APPBP2: variants seen among roughly 807,000 people sequenced by gnomAD.
The protein encoded by APPBP2 is amyloid protein-binding protein 2.
Under a neutral mutation model 76.0 loss-of-function variants are expected in APPBP2, and 15 were observed. The ratio of observed to expected loss-of-function variants is 0.20; its 90% confidence interval spans 0.13 to 0.30. The LOEUF (loss-of-function observed/expected upper bound fraction) is 0.30, where lower values mean the gene tolerates loss of function less well. Ranked by LOEUF, APPBP2 falls within the 10% of genes least tolerant of loss-of-function variation. The pLI is 1.00. For missense variants in APPBP2, 401 were observed against 687.2 expected (o/e 0.58, Z 4.66); for synonymous variants, 222 against 242.2 (o/e 0.92, Z 0.77).
chr17:60,507,715 G>A (rs1346169552), intron 1 of APPBP2, among the ~76,000 whole-genome samples: 4 of 152,150 alleles, frequency 2.6e-5, no homozygotes, highest in Non-Finnish European at 5.9e-5. Context: ...AACCCGGTTG[G>A]TAAATTTGAT....
At position 60,460,697 on chromosome 17, in the gene APPBP2, G is replaced by A; in HGVS notation, c.1027C>T (p.His343Tyr). 2 of 1,613,684 alleles carry A rather than the reference G, an allele frequency of 1.2e-6. No homozygotes were observed. Among genetic ancestry groups the A allele is most frequent in the Non-Finnish European group, 1.7e-6 (2 of 1,179,740 alleles). ...TCAAATTTCCCAGAGCTATACTGGTGGACATAAGAAGAGTAGGCCAAATCT... is the reference window on the plus strand; with the variant it reads ...TCAAATTTCCCAGAGCTATACTGGTAGACATAAGAAGAGTAGGCCAAATCT... ...HEDLAYSSYV[H>Y]QYSSGKFDNA... is the part of the protein sequence containing the mutation. The change falls in exon 9 of 13, where the codon CAC becomes TAC. Residue 343 changes from histidine (H) to tyrosine (Y), a missense_variant. Transcript: ENST00000083182.
At chr17:60,451,837 G>A (rs1382918433) in intron 12 of APPBP2, 43 bp downstream of exon 12, 6 of 1,521,170 alleles carry the variant, frequency 3.9e-6, no homozygotes, top group Non-Finnish European at 5.4e-6. Flanking sequence ...CTGACATGTT[G>A]ATTTGTAATC....
Position 60,525,939 on chromosome 17 carries a change from C to CTCT in APPBP2, c.-9_-8insAGA. The CTCT allele has an allele frequency of 6.3e-7, 1 of 1,593,510 alleles. No homozygotes were observed. The highest frequency in any genetic ancestry group is 1.3e-5 in the African/African-American group (1 of 74,658). ...TAGTTCCACGGCCGCCATCTTCCTT[C>CTCT]CCTCCTCCTCCGCCTCCTCCGCCTC... On this transcript the variant is annotated 5_prime_UTR_variant, in exon 1 of 13. Transcript: ENST00000083182.
chr17:60,516,130 T>C (rs2090961103), intron 1 of APPBP2, among the ~76,000 whole-genome samples: 1 of 151,714 alleles, frequency 6.6e-6, no homozygotes, highest in Admixed American at 6.6e-5. Flanking sequence ...GCCACTGCAC[T>C]CCTGCCTCGG....
intron 11 of APPBP2, 31 bp downstream of exon 11, chr17:60,454,267 TAAGA>T (rs775606166): frequency 6.9e-7 from 1 of 1,445,628 alleles, no homozygotes; most frequent in East Asian, 2.3e-5. Flanking sequence ...TTTCATTACT[TAAGA>T]GAGAAAAATA....
At chr17:60,469,085 T>C (rs1208407879) in intron 4 of APPBP2, among the ~76,000 whole-genome samples, 1 of 152,042 alleles carries the variant, frequency 6.6e-6, no homozygotes, top group Non-Finnish European at 1.5e-5. Context: ...CCCAGCACTT[T>C]GGGAGGCCGA....
intron 5 of APPBP2, among the ~76,000 whole-genome samples, chr17:60,465,336 G>A (rs2090503000): frequency 6.6e-6 from 1 of 152,178 alleles, no homozygotes; most frequent in African/African-American, 2.4e-5. Context: ...CTATTCTGGG[G>A]TTGATATTAC....
At chr17:60,492,046 C>T (rs1387602907) in intron 3 of APPBP2, among the ~76,000 whole-genome samples, 1 of 152,180 alleles carries the variant, frequency 6.6e-6, no homozygotes, top group Admixed American at 6.5e-5. Flanking sequence ...ACTTGGACCC[C>T]TGTGTCCCAG....
chr17:60,513,283 A>G (rs1400484867), intron 1 of APPBP2: 1 of 479,722 alleles, frequency 2.1e-6, no homozygotes, highest in Non-Finnish European at 3.8e-6. Flanking sequence ...TCACAGCTCA[A>G]TCAATGTATA....
At chr17:60,525,759 T>TGGAGGAGAGCAG in intron 1 of APPBP2, 35 bp downstream of exon 1, 2 of 1,611,360 alleles carry the variant, frequency 1.2e-6, no homozygotes, top group Non-Finnish European at 1.7e-6. Context: ...CCGGGGTTGC[T>TGGAGGAGAGCAG]GGAGGAGAGC....
chr17:60,499,285 G>C (rs148370300), intron 2 of APPBP2, among the ~76,000 whole-genome samples: 2 of 151,076 alleles, frequency 1.3e-5, no homozygotes, highest in African/African-American at 2.4e-5. Context: ...AGTGAGCTAC[G>C]AACATGCCAC....
chr17:60,510,139 A>C (rs1192661172), intron 1 of APPBP2, among the ~76,000 whole-genome samples: 3 of 152,150 alleles, frequency 2.0e-5, no homozygotes, highest in Non-Finnish European at 4.4e-5. Context: ...ACAGTGGCTC[A>C]CACCTGTAAT....
chr17:60,506,298 C>T (rs1304219953), intron 1 of APPBP2, among the ~76,000 whole-genome samples: 1 of 152,136 alleles, frequency 6.6e-6, no homozygotes, highest in African/African-American at 2.4e-5. Context: ...CTGGCCTTGA[C>T]GCCTGCCTAT....
At position 60,443,763 on chromosome 17, in the gene APPBP2, C is replaced by T. The variant is rs1049091020; in HGVS notation, c.*3818G>A. The T allele has an allele frequency of 6.6e-6, 1 of 152,534 alleles. No individual in the cohort carries two copies. Among genetic ancestry groups the T allele is most frequent in the Non-Finnish European group, 1.5e-5 (1 of 68,026 alleles). 9.4% of individuals were successfully genotyped at this position (152,534 alleles called of 1,614,324 possible). A position where few individuals can be genotyped will look rare whatever the true frequency, so the allele number is the denominator to read the frequency against. Reference sequence around the variant, plus strand: ...AAATTTTACTCTTGAAAAACATGTGCACTTCAACAAACTCACTAAGGCCAC... The same window carrying T: ...AAATTTTACTCTTGAAAAACATGTGTACTTCAACAAACTCACTAAGGCCAC... On this transcript the variant is annotated 3_prime_UTR_variant, in exon 13 of 13. Coordinates refer to ENST00000083182, the MANE Select transcript of APPBP2 (RefSeq NM_006380.5).
intron 3 of APPBP2, among the ~76,000 whole-genome samples, chr17:60,484,666 G>A (rs952543212): frequency 6.6e-6 from 1 of 152,116 alleles, no homozygotes; most frequent in Non-Finnish European, 1.5e-5. Flanking sequence ...CATGTCATCT[G>A]CAAACAGGGA....
At chr17:60,455,907 A>G (rs577030615) in intron 10 of APPBP2, among the ~76,000 whole-genome samples, 7 of 152,154 alleles carry the variant, frequency 4.6e-5, no homozygotes, top group Admixed American at 2.6e-4. Flanking sequence ...CCTCCCAAGT[A>G]GCTGGGATTA....
chr17:60,459,163 T>C (rs1171655123), intron 9 of APPBP2, among the ~76,000 whole-genome samples: 1 of 152,160 alleles, frequency 6.6e-6, no homozygotes, highest in Non-Finnish European at 1.5e-5. Flanking sequence ...TGTTTTGTAA[T>C]TTTTAATGGT....
intron 12 of APPBP2, among the ~76,000 whole-genome samples, chr17:60,448,501 C>T (rs1225707622): frequency 2.0e-5 from 3 of 152,146 alleles, no homozygotes; most frequent in Non-Finnish European, 4.4e-5. Context: ...AAAACACATG[C>T]ACAAGGCTAT....
At chr17:60,491,834 GAGA>G (rs1025746135) in intron 3 of APPBP2, among the ~76,000 whole-genome samples, 1 of 152,218 alleles carries the variant, frequency 6.6e-6, no homozygotes, top group Non-Finnish European at 1.5e-5. Context: ...CTCATTTTGT[GAGA>G]AGAACTGCAA....
Sources: gnomAD v4.1 joint callset for allele counts (sites outside exome capture counted in the v4.1 genomes callset) on GRCh38, gnomAD v4.1.1 for gene constraint, MANE v1.5 for transcripts, NCBI Gene and HGNC (gene_info 2026-07-23, HGNC 2026-07-21) for gene names.